Variants in DMD observed in about 807,000 individuals in gnomAD.
The protein encoded by DMD is mutant dystrophin.
DMD carries 63 observed loss-of-function variants against 330.1 expected under a neutral mutation model. That is an observed-to-expected ratio of 0.19 (90% CI 0.16 to 0.24). The LOEUF (loss-of-function observed/expected upper bound fraction) is 0.24, where lower values mean the gene tolerates loss of function less well. Ranked by LOEUF, DMD falls within the 10% of genes least tolerant of loss-of-function variation. The pLI, the probability that DMD is intolerant of heterozygous loss-of-function variation, is 1.00. For synonymous variants in DMD, 1,223 were observed against 959.8 expected (o/e 1.27, Z -5.07); for missense variants, 3,344 against 2,684.1 (o/e 1.25, Z -5.43).
chrX:31,530,223 C>T (rs185949885), intron 55 of DMD, among the ~76,000 whole-genome samples: 36 of 112,224 alleles, frequency 3.2e-4, no homozygotes, highest in African/African-American at 1.1e-3. Flanking sequence ...AACAAGAACA[C>T]AACAACACAG....
intron 4 of DMD, among the ~76,000 whole-genome samples, chrX:32,825,276 C>G (rs1301801937): frequency 9.0e-6 from 1 of 111,322 alleles, no homozygotes; most frequent in Non-Finnish European, 1.9e-5. Flanking sequence ...GTAATAGGAA[C>G]TTAGATTCCA....
chrX:31,836,596 G>T, intron 49 of DMD, 122 bp downstream of exon 49: 1 of 587,904 alleles, frequency 1.7e-6, no homozygotes, highest in Non-Finnish European at 2.9e-6. Context: ...TTACAGTATG[G>T]CCAGTATTTC....
chrX:33,260,952 C>A (rs1221311508), intron 1 of DMD, among the ~76,000 whole-genome samples: 1 of 109,828 alleles, frequency 9.1e-6, no homozygotes, highest in Non-Finnish European at 1.9e-5. Flanking sequence ...AAAAGCGATC[C>A]ACACTTACAC....
Position 32,809,578 on chromosome X carries a change from G to C in DMD, c.564C>G (p.Cys188Trp), listed in dbSNP as rs751528345. The part of the protein sequence containing the change: ...PDLFDWNSVV[C>W]QQSATQRLEH... ...CCAGTCGTTGTGTGGCTGACTGCTG[G>C]CAAACCACACTATTCCAGTCAAATA... The change falls in exon 7 of 79, where the codon TGC becomes TGG. Residue 188 changes from cysteine (C) to tryptophan (W), a missense_variant. Cys to Trp is a radical substitution (Grantham distance 215, BLOSUM62 -2). Transcript: ENST00000357033. The C allele has an allele frequency of 1.7e-6, 2 of 1,210,435 alleles. No homozygotes were observed. The highest frequency in any genetic ancestry group is 1.1e-6 in the Non-Finnish European group (1 of 894,969).
intron 2 of DMD, among the ~76,000 whole-genome samples, chrX:32,881,566 G>A (rs1374133362): frequency 8.9e-6 from 1 of 112,134 alleles, no homozygotes; most frequent in Non-Finnish European, 1.9e-5. Context: ...ATTATTACTT[G>A]CCATAATTCA....
chrX:31,327,336 G>A (rs1445647450), intron 61 of DMD, among the ~76,000 whole-genome samples: 1 of 111,953 alleles, frequency 8.9e-6, no homozygotes, highest in African/African-American at 3.2e-5. Context: ...TGAGGTGACA[G>A]GATTCAATAT....
In DMD at chrX:32,193,130, C is replaced by T. The variant is rs73619034; in HGVS notation, c.6438+23786G>A. Reference sequence around the variant, plus strand: ...TCTAGCCAGGTGAAGTGCCTGCTCCCGTTCTGCCTTCTGCCACGACTGGAA... The same window carrying T: ...TCTAGCCAGGTGAAGTGCCTGCTCCTGTTCTGCCTTCTGCCACGACTGGAA... On this transcript the variant is annotated intron_variant, in intron 44 of 78. Coordinates refer to ENST00000357033, the MANE Select transcript of DMD (RefSeq NM_004006.3). Among the ~76,000 whole-genome samples, 417 of 111,320 alleles carry T rather than the reference C, an allele frequency of 3.7e-3. 1 individual carries two copies. Among genetic ancestry groups the T allele is most frequent in the African/African-American group, 0.013 (389 of 30,511 alleles).
At chrX:32,071,863 T>C (rs1304367746) in intron 44 of DMD, among the ~76,000 whole-genome samples, 1 of 111,944 alleles carries the variant, frequency 8.9e-6, no homozygotes, top group Non-Finnish European at 1.9e-5. Flanking sequence ...GATCTTTTTA[T>C]TTTCCATCCT....
At chrX:32,585,840 G>T (rs1038201634) in intron 13 of DMD, among the ~76,000 whole-genome samples, 1 of 108,175 alleles carries the variant, frequency 9.2e-6, no homozygotes, top group Admixed American at 1.0e-4. Flanking sequence ...TATCATGAGA[G>T]AATTTATTGT....
chrX:32,151,811 G>A (rs1268626280), intron 44 of DMD, among the ~76,000 whole-genome samples: 2 of 112,007 alleles, frequency 1.8e-5, no homozygotes, highest in Admixed American at 1.9e-4. Flanking sequence ...ACTATCGTGA[G>A]CACCTCAGTA....
intron 47 of DMD, among the ~76,000 whole-genome samples, chrX:31,907,097 ACT>A (rs2094487361): frequency 8.9e-6 from 1 of 112,226 alleles, no homozygotes; most frequent in Admixed American, 9.5e-5. Context: ...GTACCTGAGT[ACT>A]GAAGCCAACT....
At chrX:32,944,637 C>T (rs1320075522) in intron 2 of DMD, among the ~76,000 whole-genome samples, 1 of 104,113 alleles carries the variant, frequency 9.6e-6, no homozygotes, top group East Asian at 3.1e-4. Context: ...CAGAGTCTTG[C>T]TCTGTTGCCC....
chrX:31,963,788 T>A (rs751310150), intron 45 of DMD, among the ~76,000 whole-genome samples: 63 of 53,995 alleles, frequency 1.2e-3, no homozygotes, highest in Admixed American at 6.0e-3. Context: ...AGGAAAAACC[T>A]TTTTTTTTTT....
At chrX:31,508,358 G>GT in intron 55 of DMD, 3 of 848,597 alleles carry the variant, frequency 3.5e-6, no homozygotes, top group Non-Finnish European at 5.0e-6. Context: ...TTGACAGAAT[G>GT]AATTTTGGAG....
intron 7 of DMD, among the ~76,000 whole-genome samples, chrX:32,785,015 G>T (rs1348106835): frequency 9.1e-6 from 1 of 110,384 alleles, no homozygotes; most frequent in Non-Finnish European, 1.9e-5. Flanking sequence ...ACTGAACAAA[G>T]TAAGCCTGGG....
intron 5 of DMD, among the ~76,000 whole-genome samples, chrX:32,822,839 G>C (rs1481022112): frequency 9.0e-6 from 1 of 110,841 alleles, no homozygotes; most frequent in African/African-American, 3.3e-5. Context: ...ACATTATGGA[G>C]TTTGTATGTA....
At position 32,728,855 on chromosome X, in the gene DMD, T is replaced by C. The variant is rs995454; in HGVS notation, c.650-29562A>G. On this transcript the variant is annotated intron_variant, in intron 7 of 78. Coordinates refer to ENST00000357033, the MANE Select transcript of DMD (RefSeq NM_004006.3). ...TTCTTAAACTGAAGAAGGCCTGACG[T>C]TGGCCATAGCCACTTAAACACTGTT... Among the ~76,000 whole-genome samples the C allele has an allele frequency of 9.4e-3, 1,056 of 112,060 alleles. 11 individuals carry two copies. The highest frequency in any genetic ancestry group is 0.033 in the African/African-American group (1,019 of 30,872).
chrX:33,291,700 A>C (rs2053514074), intron 1 of DMD, among the ~76,000 whole-genome samples: 1 of 111,186 alleles, frequency 9.0e-6, no homozygotes, highest in Non-Finnish European at 1.9e-5. Flanking sequence ...CTCCGTCTTC[A>C]TCTTTCCCAC....
At chrX:32,467,257 G>A (rs986462575) in intron 23 of DMD, among the ~76,000 whole-genome samples, 6 of 111,722 alleles carry the variant, frequency 5.4e-5, no homozygotes, top group African/African-American at 1.6e-4. Context: ...ATACCATAAC[G>A]TTTTCGACAT....
Sources: gnomAD v4.1 joint callset for allele counts (sites outside exome capture counted in the v4.1 genomes callset) on GRCh38, gnomAD v4.1.1 for gene constraint, MANE v1.5 for transcripts, NCBI Gene and HGNC (gene_info 2026-07-23, HGNC 2026-07-21) for gene names.